Variants in ZNF407 observed in about 807,000 individuals in gnomAD.
ZNF407 encodes zinc finger protein 407.
In ZNF407, 17 loss-of-function variants were observed where a neutral mutation model predicts 131.2. That is an observed-to-expected ratio of 0.13 (90% CI 0.09 to 0.19). ZNF407 has a LOEUF of 0.19. Ranked by LOEUF, ZNF407 falls within the 10% of genes least tolerant of loss-of-function variation. ZNF407 has a pLI of 1.00. For missense variants in ZNF407, 2,681 were observed against 2,830.6 expected, an observed-to-expected ratio of 0.95 and a Z score of 1.20; for synonymous variants, 1,156 against 1,062.0, an observed-to-expected ratio of 1.09 and a Z score of -1.72.
intron 3 of ZNF407, among the ~76,000 whole-genome samples, chr18:74,695,819 A>C (rs1180711351): frequency 6.6e-6 from 1 of 152,224 alleles, no homozygotes. Flanking sequence ...TGAAACAGAG[A>C]TACAGTAATT....
intron 3 of ZNF407, among the ~76,000 whole-genome samples, chr18:74,747,606 ATG>A (rs1459979151): frequency 6.6e-6 from 1 of 151,962 alleles, no homozygotes; most frequent in Non-Finnish European, 1.5e-5. Flanking sequence ...GATTGTGTGT[ATG>A]TGTGTGTGTA....
At chr18:74,969,243 T>C (rs745672485) in intron 8 of ZNF407, among the ~76,000 whole-genome samples, 17 of 152,252 alleles carry the variant, frequency 1.1e-4, no homozygotes, top group Non-Finnish European at 1.8e-4. Flanking sequence ...TTCTCCAGCA[T>C]CTGATTCACC....
At chr18:74,919,605 GTTTC>G (rs1172479351) in intron 7 of ZNF407, among the ~76,000 whole-genome samples, 3 of 152,250 alleles carry the variant, frequency 2.0e-5, no homozygotes, top group African/African-American at 7.2e-5. Context: ...TGGTTTGTTT[GTTTC>G]TTTCTAGATA....
In ZNF407 at chr18:74,784,541, G is replaced by C. The variant is rs193070084; in HGVS notation, c.4877+3039G>C. ...CTGTGAACACCTGAGGTGATGGCTT[G>C]TGTAAGATTATACTTTTTTGTTCCT... On this transcript the variant is annotated intron_variant, in intron 4 of 8. Coordinates refer to ENST00000299687, the MANE Select transcript of ZNF407 (RefSeq NM_017757.3). Among the ~76,000 whole-genome samples, 8 of 152,320 alleles carry C rather than the reference G, an allele frequency of 5.3e-5. No homozygotes were observed. The East Asian group carries it at 1.5e-3, about 29-fold the overall frequency.
chr18:74,680,079 A>G (rs1966945535), intron 3 of ZNF407, among the ~76,000 whole-genome samples: 1 of 152,188 alleles, frequency 6.6e-6, no homozygotes, highest in Non-Finnish European at 1.5e-5. Context: ...TTTCTCATTT[A>G]CATTTTCATT....
chr18:74,903,971 A>C (rs2554130), intron 7 of ZNF407, among the ~76,000 whole-genome samples: 73,518 of 151,968 alleles, frequency 0.48, 19,775 homozygotes, highest in Non-Finnish European at 0.59. Flanking sequence ...AGTCATCAGC[A>C]TATTAAAGAC....
intron 6 of ZNF407, among the ~76,000 whole-genome samples, chr18:74,883,169 G>C (rs1474128138): frequency 6.6e-6 from 1 of 152,164 alleles, no homozygotes; most frequent in Non-Finnish European, 1.5e-5. Context: ...CATAGACAGA[G>C]GTATCTGTCT....
intron 6 of ZNF407, among the ~76,000 whole-genome samples, chr18:74,881,890 G>A (rs1971243607): frequency 6.6e-6 from 1 of 152,162 alleles, no homozygotes; most frequent in African/African-American, 2.4e-5. Context: ...GTTCCACGTG[G>A]CTCAGGAAGA....
intron 8 of ZNF407, among the ~76,000 whole-genome samples, chr18:75,055,398 T>G (rs1039745): frequency 0.96 from 146,815 of 152,212 alleles, 71,044 homozygotes; most frequent in Middle Eastern, 1. Context: ...ACAGTTAACC[T>G]CTGCCCTTCC....
chr18:74,745,627 G>A (rs1968651685), intron 3 of ZNF407, among the ~76,000 whole-genome samples: 1 of 152,142 alleles, frequency 6.6e-6, no homozygotes, highest in South Asian at 2.1e-4. Context: ...TTTGTTTTAT[G>A]TTAGTTGCTT....
chr18:74,657,031 GT>G (rs1985489311), intron 3 of ZNF407, among the ~76,000 whole-genome samples: 1 of 148,896 alleles, frequency 6.7e-6, no homozygotes, highest in African/African-American at 2.5e-5. Flanking sequence ...GAGTTTGTAG[GT>G]GTGTTTTTAT....
At chr18:75,032,877 G>A (rs111841123) in intron 8 of ZNF407, among the ~76,000 whole-genome samples, 754 of 60,408 alleles carry the variant, frequency 0.012, no homozygotes, top group Middle Eastern at 0.058. Flanking sequence ...TTAGATAACT[G>A]AGAGTGCTCA....
chr18:74,856,793 G>A lies in ZNF407; in HGVS notation c.4878-20404G>A, dbSNP rs996253456. ...GAGAGCAGTTTGTACTATATAATAA[G>A]TTTCATATATTAATACAATTTTTCA... On this transcript the variant is annotated intron_variant, in intron 4 of 8. Coordinates refer to ENST00000299687, the MANE Select transcript of ZNF407 (RefSeq NM_017757.3). 3.3e-5 allele frequency among the ~76,000 whole-genome samples: 5 copies of A among 152,126 alleles called. No homozygotes were observed. The East Asian group carries it at 5.8e-4, about 18-fold the overall frequency.
chr18:74,968,878 T>C (rs1179651659), intron 8 of ZNF407, among the ~76,000 whole-genome samples: 1 of 152,146 alleles, frequency 6.6e-6, no homozygotes, highest in East Asian at 1.9e-4. Flanking sequence ...CCCCTCCTCC[T>C]CCTTTCGAGC....
chr18:74,956,814 G>T (rs1972280630), intron 8 of ZNF407, among the ~76,000 whole-genome samples: 1 of 152,170 alleles, frequency 6.6e-6, no homozygotes. Context: ...CTCAGCATTG[G>T]TCTTCAGGTT....
intron 1 of ZNF407, among the ~76,000 whole-genome samples, chr18:74,601,536 C>T (rs1419490769): frequency 2.0e-5 from 3 of 152,182 alleles, no homozygotes; most frequent in Non-Finnish European, 2.9e-5. Context: ...GCTCGCGGTT[C>T]TGCAGGCTCT....
At chr18:74,838,190 T>C (rs1970584333) in intron 4 of ZNF407, among the ~76,000 whole-genome samples, 1 of 152,232 alleles carries the variant, frequency 6.6e-6, no homozygotes, top group South Asian at 2.1e-4. Flanking sequence ...CATGTTTCCA[T>C]TTCTATGCTT....
intron 3 of ZNF407, among the ~76,000 whole-genome samples, chr18:74,724,290 G>A (rs1215573914): frequency 6.6e-6 from 1 of 152,022 alleles, no homozygotes; most frequent in African/African-American, 2.4e-5. Flanking sequence ...TTCAAAGCAG[G>A]GTAATCAGTA....
chr18:74,659,958 A>G (rs2144728852), intron 3 of ZNF407, among the ~76,000 whole-genome samples: 1 of 152,192 alleles, frequency 6.6e-6, no homozygotes, highest in African/African-American at 2.4e-5. Flanking sequence ...TTGTCAGGAC[A>G]CCGGGCAAAA....
Sources: gnomAD v4.1 joint callset for allele counts (sites outside exome capture counted in the v4.1 genomes callset) on GRCh38, gnomAD v4.1.1 for gene constraint, MANE v1.5 for transcripts, NCBI Gene and HGNC (gene_info 2026-07-23, HGNC 2026-07-21) for gene names.